HS3ST2: variants seen among roughly 807,000 people sequenced by gnomAD.
HS3ST2 encodes heparan sulfate-glucosamine 3-sulfotransferase 2, also known as heparan sulfate glucosamine 3-O-sulfotransferase 2.
Under a neutral mutation model 26.3 loss-of-function variants are expected in HS3ST2, and 17 were observed. The ratio of observed to expected loss-of-function variants is 0.65; its 90% CI spans 0.44 to 0.97. HS3ST2 has a LOEUF of 0.97. Ranked by LOEUF, HS3ST2 falls within the 50% of genes least tolerant of loss-of-function variation. HS3ST2 has a pLI of 0.00. For missense variants in HS3ST2, 402 were observed against 501.2 expected (o/e 0.80, Z 1.89); for synonymous variants, 237 against 219.2 (o/e 1.08, Z -0.72).
intron 1 of HS3ST2, among the ~76,000 whole-genome samples, chr16:22,826,941 G>A (rs1243078797): frequency 6.6e-6 from 1 of 152,176 alleles, no homozygotes; most frequent in Non-Finnish European, 1.5e-5. Context: ...CAATAAATAA[G>A]TAAGTCAAAC....
At chr16:22,824,919 G>A (rs1474272597) in intron 1 of HS3ST2, among the ~76,000 whole-genome samples, 2 of 152,152 alleles carry the variant, frequency 1.3e-5, no homozygotes, top group African/African-American at 2.4e-5. Flanking sequence ...CTGATGGAGA[G>A]ATGAGTGGGC....
intron 1 of HS3ST2, among the ~76,000 whole-genome samples, chr16:22,818,682 C>CCTTCCTT (rs1375829555): frequency 7.8e-6 from 1 of 128,052 alleles, no homozygotes; most frequent in African/African-American, 3.7e-5. Context: ...CTTCCTCCCT[C>CCTTCCTT]CCTCCTTGCC....
chr16:22,889,164 A>T (rs1185616500), intron 1 of HS3ST2, among the ~76,000 whole-genome samples: 1 of 152,246 alleles, frequency 6.6e-6, no homozygotes, highest in East Asian at 1.9e-4. Flanking sequence ...AAACTTGGAC[A>T]CACTCACACA....
At chr16:22,871,079 C>T (rs928957761) in intron 1 of HS3ST2, among the ~76,000 whole-genome samples, 3 of 152,094 alleles carry the variant, frequency 2.0e-5, no homozygotes, top group East Asian at 3.9e-4. Context: ...CTTTGTGGGC[C>T]GGGCGCAGTG....
chr16:22,888,426 G>T (rs1596627009), intron 1 of HS3ST2, among the ~76,000 whole-genome samples: 1 of 114,322 alleles, frequency 8.7e-6, no homozygotes, highest in Admixed American at 1.3e-4. Flanking sequence ...TTGCTCTGTT[G>T]CCCAGGCTGG....
At chr16:22,862,617 C>A (rs894102753) in intron 1 of HS3ST2, among the ~76,000 whole-genome samples, 2 of 152,136 alleles carry the variant, frequency 1.3e-5, no homozygotes, top group African/African-American at 4.8e-5. Flanking sequence ...TTTTCAGGAA[C>A]CTGGATGGCA....
intron 1 of HS3ST2, among the ~76,000 whole-genome samples, chr16:22,892,659 C>A (rs1902146504): frequency 6.6e-6 from 1 of 152,028 alleles, no homozygotes; most frequent in Admixed American, 6.6e-5. Flanking sequence ...CATCTTTTTG[C>A]AAATATCTTA....
Position 22,848,093 on chromosome 16 carries a change from TG to T in HS3ST2, c.485+33000del, listed in dbSNP as rs1446165720. ...AATGTGTCCTTTTCCTTCAACTGGC[TG>T]GTAAGCCCCTTAATTGCTGGTGCTA... On this transcript the variant is annotated intron_variant, in intron 1 of 1. Transcript: ENST00000261374. Among the ~76,000 whole-genome samples, 14 of 152,282 alleles carry T rather than the reference TG, an allele frequency of 9.2e-5. No individual in the cohort carries two copies. The East Asian group carries it at 2.7e-3, about 30-fold the overall frequency.
intron 1 of HS3ST2, among the ~76,000 whole-genome samples, chr16:22,843,894 A>C (rs961660115): frequency 5.3e-5 from 8 of 150,060 alleles, no homozygotes; most frequent in African/African-American, 1.7e-4. Context: ...GGGGCAGGCA[A>C]GAAAGGAAGG....
chr16:22,830,490 A>G lies in HS3ST2; in HGVS notation c.485+15395A>G, dbSNP rs189630240. On this transcript the variant is annotated intron_variant, in intron 1 of 1. Coordinates refer to ENST00000261374, the MANE Select transcript of HS3ST2 (RefSeq NM_006043.2). ...TTTGCACCTGTAGAATGACAGAGGAACATTGGGATGGTGGGACAGAGAGGG... is the reference window on the plus strand; with the variant it reads ...TTTGCACCTGTAGAATGACAGAGGAGCATTGGGATGGTGGGACAGAGAGGG... Among the ~76,000 whole-genome samples the G allele has an allele frequency of 5.6e-4, 86 of 152,312 alleles. 1 individual carries two copies. The highest frequency in any genetic ancestry group is 1.9e-3 in the African/African-American group (77 of 41,586).
In HS3ST2 at chr16:22,908,547, CCT is replaced by C. The variant is rs1902383592; in HGVS notation, c.486-6396_486-6395del. Among the ~76,000 whole-genome samples the C allele has an allele frequency of 4.6e-5, 7 of 152,278 alleles. No individual in the cohort carries two copies. The South Asian group carries it at 1.5e-3, about 32-fold the overall frequency. On this transcript the variant is annotated intron_variant, in intron 1 of 1. Coordinates refer to ENST00000261374, the MANE Select transcript of HS3ST2 (RefSeq NM_006043.2). ...GTCAAGAGGCTCCATCTGGTGAGGA[CCT>C]TCTTGCTGTTGGGGGCTCTCCGTAG...
intron 1 of HS3ST2, among the ~76,000 whole-genome samples, chr16:22,853,826 CAAAT>C (rs1901552341): frequency 6.6e-6 from 1 of 152,132 alleles, no homozygotes; most frequent in Non-Finnish European, 1.5e-5. Context: ...GCAGCCAAAA[CAAAT>C]AAAAATCCAC....
intron 1 of HS3ST2, among the ~76,000 whole-genome samples, chr16:22,885,822 G>T (rs760569909): frequency 2.6e-5 from 4 of 152,096 alleles, no homozygotes; most frequent in Non-Finnish European, 4.4e-5. Flanking sequence ...TGAGCAGAAG[G>T]TTCTGCAGAC....
intron 1 of HS3ST2, among the ~76,000 whole-genome samples, chr16:22,823,814 C>T (rs1309757706): frequency 1.3e-5 from 2 of 151,994 alleles, no homozygotes; most frequent in African/African-American, 2.4e-5. Context: ...AATGTGTTAG[C>T]GATTGGGAGA....
intron 1 of HS3ST2, among the ~76,000 whole-genome samples, chr16:22,840,040 G>A (rs374516890): frequency 6.6e-6 from 1 of 152,316 alleles, no homozygotes; most frequent in East Asian, 1.9e-4. Flanking sequence ...TGATAATGTG[G>A]CTAATGTTTA....
chr16:22,847,044 A>G (rs1485387920), intron 1 of HS3ST2, among the ~76,000 whole-genome samples: 3 of 152,154 alleles, frequency 2.0e-5, no homozygotes, highest in East Asian at 1.9e-4. Context: ...AACTCATGCC[A>G]TGGTGGGAGT....
chr16:22,863,802 A>C (rs141450949), intron 1 of HS3ST2, among the ~76,000 whole-genome samples: 8 of 152,316 alleles, frequency 5.3e-5, no homozygotes, highest in Non-Finnish European at 1.0e-4. Context: ...ATAGCTCTCC[A>C]GGCCGTGCAA....
intron 1 of HS3ST2, among the ~76,000 whole-genome samples, chr16:22,835,505 T>C (rs1901242401): frequency 6.6e-6 from 1 of 152,116 alleles, no homozygotes; most frequent in Admixed American, 6.6e-5. Context: ...TTTAAACAGG[T>C]AAATCATATT....
At chr16:22,875,322 G>A (rs1430888512) in intron 1 of HS3ST2, among the ~76,000 whole-genome samples, 1 of 151,986 alleles carries the variant, frequency 6.6e-6, no homozygotes, top group East Asian at 1.9e-4. Context: ...AGTGAGCTCA[G>A]ATTCACTCAC....
Sources: allele counts gnomAD v4.1 joint callset (sites outside exome capture counted in the v4.1 genomes callset), GRCh38; gene constraint gnomAD v4.1.1; transcripts MANE v1.5; gene names NCBI Gene and HGNC (gene_info 2026-07-23, HGNC 2026-07-21).